The following LOXHD1 variants were observed in gnomAD, a reference collection of about 807,000 sequenced individuals.
LOXHD1 encodes lipoxygenase homology domain-containing protein 1.
Under a neutral mutation model 248.2 loss-of-function variants are expected in LOXHD1, and 205 were observed. That is an observed-to-expected ratio of 0.83 (90% CI 0.74 to 0.93). LOXHD1 has a LOEUF of 0.93. Among genes scored for constraint, LOXHD1 ranks in the 40% least tolerant of loss-of-function variants. LOXHD1 has a pLI of 0.00. For synonymous variants in LOXHD1, 1,113 were observed against 1,162.8 expected (o/e 0.96, Z 0.87); for missense variants, 2,930 against 2,971.6 (o/e 0.99, Z 0.33).
chr18:46,648,504 A>G (rs1331824008), intron 2 of LOXHD1, among the ~76,000 whole-genome samples: 1 of 152,190 alleles, frequency 6.6e-6, no homozygotes, highest in East Asian at 1.9e-4. Flanking sequence ...ACCACTCCTG[A>G]GGCCCAAAAC....
intron 7 of LOXHD1, among the ~76,000 whole-genome samples, chr18:46,601,943 T>G (rs574330187): frequency 2.1e-4 from 32 of 152,316 alleles, no homozygotes; most frequent in South Asian, 1.7e-3. Context: ...AAAACATAAC[T>G]TTTAATAGAG....
intron 29 of LOXHD1, among the ~76,000 whole-genome samples, chr18:46,526,341 C>T (rs2035828608): frequency 6.6e-6 from 1 of 152,168 alleles, no homozygotes; most frequent in South Asian, 2.1e-4. Context: ...AGAGAAGAGT[C>T]ACCTCCAGCT....
intron 37 of LOXHD1, among the ~76,000 whole-genome samples, chr18:46,503,010 T>A (rs1464083671): frequency 6.6e-6 from 1 of 152,196 alleles, no homozygotes; most frequent in African/African-American, 2.4e-5. Context: ...ACCTGGTATT[T>A]CTCAGCTCTC....
chr18:46,554,216 G>C (rs2037227585), intron 21 of LOXHD1, among the ~76,000 whole-genome samples: 1 of 152,206 alleles, frequency 6.6e-6, no homozygotes, highest in Admixed American at 6.5e-5. Context: ...ATGCTCTTCT[G>C]ATGGAAGGCC....
intron 37 of LOXHD1, among the ~76,000 whole-genome samples, chr18:46,490,656 T>C (rs1442247765): frequency 6.6e-6 from 1 of 152,168 alleles, no homozygotes; most frequent in Non-Finnish European, 1.5e-5. Context: ...TGTATTTTTA[T>C]TAGGGACAGG....
At chr18:46,579,600 G>A (rs2037923625) in intron 13 of LOXHD1, 30 bp downstream of exon 13, 14 of 1,551,558 alleles carry the variant, frequency 9.0e-6, no homozygotes, top group Non-Finnish European at 1.2e-5. Context: ...GGGAGGAAGG[G>A]GATGAGTGGG....
intron 7 of LOXHD1, among the ~76,000 whole-genome samples, chr18:46,603,856 T>C (rs1019622740): frequency 7.9e-5 from 12 of 152,236 alleles, no homozygotes; most frequent in African/African-American, 2.9e-4. Context: ...TCTGGCTTCA[T>C]CCTATGGATA....
At chr18:46,547,126 G>A in intron 21 of LOXHD1, 68 bp from the exon 22 acceptor site, 2 of 1,528,792 alleles carry the variant, frequency 1.3e-6, no homozygotes, top group Non-Finnish European at 1.8e-6. Context: ...GCAGTCATGG[G>A]CTGAGAATGA....
chr18:46,646,019 G>T (rs2039024710), intron 2 of LOXHD1, among the ~76,000 whole-genome samples: 1 of 152,206 alleles, frequency 6.6e-6, no homozygotes, highest in South Asian at 2.1e-4. Context: ...TGTTTGCATT[G>T]CTGCAGTGTG....
chr18:46,548,454 AG>A (rs1394012191), intron 21 of LOXHD1, among the ~76,000 whole-genome samples: 1 of 152,140 alleles, frequency 6.6e-6, no homozygotes, highest in Non-Finnish European at 1.5e-5. Context: ...TGGGGTGCTG[AG>A]GGGGGCAACG....
At chr18:46,637,707 A>G (rs961698444) in intron 4 of LOXHD1, among the ~76,000 whole-genome samples, 7 of 152,184 alleles carry the variant, frequency 4.6e-5, no homozygotes, top group African/African-American at 1.7e-4. Context: ...AAGAAAGGAC[A>G]TCAAAAATCC....
chr18:46,572,526 G>T (rs16978579), intron 14 of LOXHD1, among the ~76,000 whole-genome samples: 9,678 of 152,284 alleles, frequency 0.064, 387 homozygotes, highest in Non-Finnish European at 0.093. Context: ...TGGATGGGAT[G>T]CAGTGAACAA....
rs2035890472 is a variant in LOXHD1 at position 46,527,805 on chromosome 18, C to T, written c.4530+1372G>A. ...TTATTTCTTCCTGGTACAACATGCTCTTACATCTTGTCCTGTTTTTCAGCC... is the reference window on the plus strand; with the variant it reads ...TTATTTCTTCCTGGTACAACATGCTTTTACATCTTGTCCTGTTTTTCAGCC... On this transcript the variant is annotated intron_variant, in intron 29 of 40. Transcript: ENST00000642948. Among the ~76,000 whole-genome samples the T allele has an allele frequency of 2.6e-5, 4 of 152,248 alleles. 1 individual carries two copies. In the South Asian group the frequency reaches 8.3e-4, roughly 31 times the overall value.
intron 3 of LOXHD1, among the ~76,000 whole-genome samples, chr18:46,640,176 C>T (rs533326940): frequency 2.0e-5 from 3 of 152,184 alleles, no homozygotes; most frequent in South Asian, 4.2e-4. Context: ...GGCTCAAGCA[C>T]GGATACACAC....
chr18:46,507,569 G>A lies in LOXHD1; in HGVS notation c.5661C>T (p.Tyr1887=), dbSNP rs1170185905. The A allele has an allele frequency of 1.2e-5, 19 of 1,551,634 alleles. No homozygotes were observed. In the African/African-American group the frequency reaches 2.5e-4, roughly 20 times the overall value. The change falls in exon 36 of 41, where the codon TAC becomes TAT. Residue 1887 remains tyrosine, a synonymous_variant. Transcript: ENST00000642948. ...DEEEMMEWTS[Y]TVAVKTSDIL... ...TGTCGCTGGTCTTAACTGCGACGGT[G>A]TAGGAGGTCCACTCCATCATTTCTT...
Position 46,610,899 on chromosome 18 carries a change from C to T in LOXHD1, c.636G>A (p.Lys212=), listed in dbSNP as rs2038498227. 2 of 1,551,854 alleles carry T rather than the reference C, an allele frequency of 1.3e-6. No individual in the cohort carries two copies. The highest frequency in any genetic ancestry group is 4.9e-5 in the East Asian group (2 of 40,920). The change falls in exon 6 of 41, where the codon AAG becomes AAA. Residue 212 remains lysine, a synonymous_variant. Coordinates refer to ENST00000642948, the MANE Select transcript of LOXHD1 (RefSeq NM_001384474.1). ...DTGERRLENE[K]DNFEKGAEDR... The stretch of plus-strand genomic sequence containing the variant: ...CTTCAGCTCCCTTTTCAAAGTTGTC[C>T]TTTTCATTTTCTAGCCTACGCTCCC...
At chr18:46,640,995 A>T (rs2038955974) in intron 3 of LOXHD1, among the ~76,000 whole-genome samples, 1 of 152,106 alleles carries the variant, frequency 6.6e-6, no homozygotes, top group South Asian at 2.1e-4. Flanking sequence ...CTTCCCTTGG[A>T]AGGATGTATG....
intron 17 of LOXHD1, among the ~76,000 whole-genome samples, chr18:46,564,825 C>T (rs1445038219): frequency 6.6e-6 from 1 of 152,166 alleles, no homozygotes; most frequent in Non-Finnish European, 1.5e-5. Flanking sequence ...AAGGAACTTG[C>T]AGGTTGCTTC....
At chr18:46,601,065 A>G (rs1284046580) in intron 8 of LOXHD1, among the ~76,000 whole-genome samples, 152 bp downstream of exon 8, 1 of 152,202 alleles carries the variant, frequency 6.6e-6, no homozygotes, top group Admixed American at 6.5e-5. Context: ...AGATAGACGG[A>G]CACGTAACCA....
Sources: gnomAD v4.1 joint callset for allele counts (sites outside exome capture counted in the v4.1 genomes callset) on GRCh38, gnomAD v4.1.1 for gene constraint, MANE v1.5 for transcripts, NCBI Gene and HGNC (gene_info 2026-07-23, HGNC 2026-07-21) for gene names.